The following CALCOCO2 variants were observed in gnomAD, a reference collection of about 807,000 sequenced individuals.
CALCOCO2 encodes the protein calcium binding and coiled-coil domain 2, also known as calcium-binding and coiled-coil domain-containing protein 2.
Under a neutral mutation model 62.5 loss-of-function variants are expected in CALCOCO2, and 42 were observed. The ratio of observed to expected loss-of-function variants is 0.67; its 90% CI spans 0.53 to 0.87. CALCOCO2 has a LOEUF of 0.87. Ranked by LOEUF, CALCOCO2 falls within the 40% of genes least tolerant of loss-of-function variation. CALCOCO2 has a pLI of 0.00. For synonymous variants in CALCOCO2, 167 were observed against 173.0 expected (o/e 0.97, Z 0.27); for missense variants, 456 against 515.0 (o/e 0.89, Z 1.11).
rs2040362925 is a variant in CALCOCO2 at position 48,864,085 on chromosome 17, T to TTTTTG, written c.*1080_*1081insTTTTG. The TTTTTG allele has an allele frequency of 7.0e-6, 1 of 143,548 alleles. No homozygotes were observed. The highest frequency in any genetic ancestry group is 1.5e-5 in the Non-Finnish European group (1 of 66,694). The allele number at this position is 143,548 out of a possible 1,614,324, so 8.9% of individuals were successfully genotyped here. On this transcript the variant is annotated 3_prime_UTR_variant, in exon 13 of 13. Transcript: ENST00000258947. ...TTCTTTCTTTTTTTTTTTTTTTTTT[T>TTTTTG]GAAACAGTCTCTCTCTGTCACCCAG...
At chr17:48,848,616 A>T (rs2143621501) in intron 4 of CALCOCO2, 161 bp downstream of exon 4, 1 of 695,162 alleles carries the variant, frequency 1.4e-6, no homozygotes, top group Middle Eastern at 3.0e-4. Context: ...TGACTTCGGA[A>T]TGTTAACAAG....
chr17:48,858,027 T>A (rs546196746), intron 10 of CALCOCO2, among the ~76,000 whole-genome samples: 1 of 15,642 alleles, frequency 6.4e-5, no homozygotes, highest in Non-Finnish European at 2.0e-4. Flanking sequence ...TAGAATAGAA[T>A]AGAATAGAAT....
chr17:48,859,531 G>A (rs2040296390), intron 10 of CALCOCO2, among the ~76,000 whole-genome samples: 1 of 151,846 alleles, frequency 6.6e-6, no homozygotes, highest in South Asian at 2.1e-4. Context: ...GAGCCCATGA[G>A]TTCAAGGCTG....
chr17:48,858,002 T>TAGAAG (rs1567759117), intron 10 of CALCOCO2, among the ~76,000 whole-genome samples: 5 of 19,786 alleles, frequency 2.5e-4, no homozygotes, highest in Admixed American at 6.0e-4. Flanking sequence ...TAGAATAGAA[T>TAGAAG]AGAATAGAAT....
Position 48,863,863 on chromosome 17 carries a change from C to A in CALCOCO2, c.*858C>A, listed in dbSNP as rs1401064149. The A allele has an allele frequency of 6.6e-6, 1 of 151,942 alleles. No individual in the cohort carries two copies. Among genetic ancestry groups the A allele is most frequent in the Non-Finnish European group, 1.5e-5 (1 of 67,998 alleles). The allele number at this position is 151,942 out of a possible 1,614,324, so 9.4% of individuals were successfully genotyped here. ...AGGGACTTAGGTAATTTAAAATAAA[C>A]CTTCAATTTATGGTCTTCTGTTTTG... is the stretch of plus-strand genomic sequence containing the variant. On this transcript the variant is annotated 3_prime_UTR_variant, in exon 13 of 13. Transcript: ENST00000258947.
chr17:48,858,024 GAATAGAATAGAATAGAATAGAA>G (rs767130380), intron 10 of CALCOCO2, among the ~76,000 whole-genome samples: 1,020 of 15,078 alleles, frequency 0.068, 94 homozygotes, highest in African/African-American at 0.086. Context: ...GAATAGAATA[GAATAGAATAGAATAGAATAGAA>G]AATAGAATAG....
intron 2 of CALCOCO2, among the ~76,000 whole-genome samples, chr17:48,845,794 G>A (rs912494153): frequency 4.0e-5 from 6 of 151,818 alleles, no homozygotes; most frequent in South Asian, 2.1e-4. Flanking sequence ...CCCTGAGGTG[G>A]GTAGTAGTAT....
intron 10 of CALCOCO2, among the ~76,000 whole-genome samples, chr17:48,857,497 C>CTGTTTTTTTTTTTTTTTTT: frequency 2.6e-5 from 1 of 38,442 alleles, no homozygotes; most frequent in East Asian, 2.0e-3. Flanking sequence ...GCACCCGGCC[C>CTGTTTTTTTTTTTTTTTTT]TTTTTTTTTT....
chr17:48,834,191 T>C (rs980052652), intron 1 of CALCOCO2, among the ~76,000 whole-genome samples: 2 of 150,504 alleles, frequency 1.3e-5, no homozygotes, highest in South Asian at 2.1e-4. Context: ...TAAGAGGATC[T>C]ATGTCCTCAT....
intron 1 of CALCOCO2, among the ~76,000 whole-genome samples, chr17:48,838,141 AG>A (rs2039920621): frequency 2.0e-5 from 3 of 151,918 alleles, no homozygotes; most frequent in South Asian, 4.2e-4. Flanking sequence ...AACAACTCTA[AG>A]GGGGTATGCG....
At chr17:48,838,196 G>A (rs1164881817) in intron 1 of CALCOCO2, among the ~76,000 whole-genome samples, 4 of 152,008 alleles carry the variant, frequency 2.6e-5, no homozygotes, top group African/African-American at 9.7e-5. Flanking sequence ...GTACATGACT[G>A]GGGGCTGCAT....
chr17:48,859,576 G>C (rs1031559120), intron 10 of CALCOCO2, among the ~76,000 whole-genome samples: 12 of 151,952 alleles, frequency 7.9e-5, no homozygotes, highest in African/African-American at 2.4e-4. Context: ...ACTCCAGCCT[G>C]GGTGACCAAG....
intron 1 of CALCOCO2, among the ~76,000 whole-genome samples, chr17:48,832,377 G>C (rs1440335734): frequency 6.6e-6 from 1 of 152,216 alleles, no homozygotes; most frequent in Non-Finnish European, 1.5e-5. Flanking sequence ...CTGGGCAACA[G>C]AGTGAGACTC....
chr17:48,862,248 T>C (rs748122198), intron 11 of CALCOCO2, 28 bp from the exon 12 acceptor site: 36 of 1,499,148 alleles, frequency 2.4e-5, no homozygotes, highest in Non-Finnish European at 3.0e-5. Flanking sequence ...ATTTTCTCAT[T>C]GAATGAGATC....
In CALCOCO2 at chr17:48,848,436, T is replaced by C. The variant is rs369035242; in HGVS notation, c.398T>C (p.Ile133Thr). The change falls in exon 4 of 13, where the codon ATC becomes ACC. Residue 133 changes from isoleucine (I) to threonine (T), a missense_variant. By Grantham distance (89) the Ile-to-Thr change is moderately conservative. Coordinates refer to ENST00000258947, the MANE Select transcript of CALCOCO2 (RefSeq NM_005831.5). ...TTCCGTCCAGAAAATGAGGAAGACA[T>C]CCTGGTTGTTACCACTCAGGTTTGT... ...FQFRPENEEDILVVTTQGEVE... is the reference protein window; with the variant it reads ...FQFRPENEEDTLVVTTQGEVE... 117 of 1,613,902 alleles carry C rather than the reference T, an allele frequency of 7.2e-5. No individual in the cohort carries two copies. Among genetic ancestry groups the C allele is most frequent in the Non-Finnish European group, 9.2e-5 (109 of 1,179,934 alleles).
chr17:48,856,785 T>C (rs531593419), intron 10 of CALCOCO2, among the ~76,000 whole-genome samples: 5 of 151,904 alleles, frequency 3.3e-5, no homozygotes, highest in African/African-American at 1.2e-4. Flanking sequence ...TTTCTTTTTT[T>C]TTTTTTTCTT....
At chr17:48,851,237 TAC>T in intron 6 of CALCOCO2, 60 bp downstream of exon 6, 1 of 916,200 alleles carries the variant, frequency 1.1e-6, no homozygotes, top group Non-Finnish European at 1.8e-6. Context: ...TACCCTTAAG[TAC>T]AGTCAGATTA....
At chr17:48,834,024 A>G (rs2039854518) in intron 1 of CALCOCO2, among the ~76,000 whole-genome samples, 1 of 144,072 alleles carries the variant, frequency 6.9e-6, no homozygotes, top group Admixed American at 7.2e-5. Flanking sequence ...AACTGAGGTG[A>G]GAGGATTGCT....
Position 48,852,554 on chromosome 17 carries a change from G to A in CALCOCO2, c.751G>A (p.Asp251Asn). 1 of 1,613,440 alleles carries A rather than the reference G, an allele frequency of 6.2e-7. No individual in the cohort carries two copies. Among genetic ancestry groups the A allele is most frequent in the Non-Finnish European group, 8.5e-7 (1 of 1,179,458 alleles). ...EKEMEKLVQG[D>N]QDKTEQLEQL... ...AGAAATGGAGAAGCTTGTTCAGGGA[G>A]ATCAAGATAAGACAGAGCAGTTAGA... Residue 251 changes from aspartate (D) to asparagine (N), a missense_variant, in exon 8 of 13, where the codon GAT becomes AAT. By Grantham distance (23) the Asp-to-Asn change is conservative. Coordinates refer to ENST00000258947, the MANE Select transcript of CALCOCO2 (RefSeq NM_005831.5).
Sources: gnomAD v4.1 joint callset for allele counts (sites outside exome capture counted in the v4.1 genomes callset) on GRCh38, gnomAD v4.1.1 for gene constraint, MANE v1.5 for transcripts, NCBI Gene and HGNC (gene_info 2026-07-23, HGNC 2026-07-21) for gene names.